The following ADAMTS6 variants were observed in gnomAD, a reference collection of about 807,000 sequenced individuals.
ADAMTS6 encodes the protein ADAM metallopeptidase with thrombospondin type 1 motif 6, also known as A disintegrin and metalloproteinase with thrombospondin motifs 6.
ADAMTS6 carries 23 observed loss-of-function variants against 144.3 expected under a neutral mutation model. The ratio of observed to expected loss-of-function variants is 0.16; its 90% confidence interval spans 0.11 to 0.23. The LOEUF (loss-of-function observed/expected upper bound fraction) is 0.23, where lower values mean the gene tolerates loss of function less well. Among genes scored for constraint, ADAMTS6 ranks in the 10% least tolerant of loss-of-function variants. The probability of loss-of-function intolerance (pLI) is 1.00; values close to 1 mark genes in which losing one functional copy is unlikely to be tolerated. For missense variants in ADAMTS6, 999 were observed against 1,379.6 expected, an observed-to-expected ratio of 0.72 and a Z score of 4.37; for synonymous variants, 444 against 457.5, an observed-to-expected ratio of 0.97 and a Z score of 0.38.
intron 7 of ADAMTS6, among the ~76,000 whole-genome samples, chr5:65,425,576 A>G (rs1242829535): frequency 6.6e-6 from 1 of 152,124 alleles, no homozygotes; most frequent in Non-Finnish European, 1.5e-5. Context: ...CTTAACGTAA[A>G]TTTCCCACTC....
At chr5:65,477,659 C>G (rs552106656) in intron 1 of ADAMTS6, among the ~76,000 whole-genome samples, 1 of 152,220 alleles carries the variant, frequency 6.6e-6, no homozygotes, top group Admixed American at 6.5e-5. Flanking sequence ...AAAGCAGGAG[C>G]TTTGAAGTTA....
At chr5:65,198,146 G>C (rs1755507908) in intron 20 of ADAMTS6, among the ~76,000 whole-genome samples, 1 of 152,054 alleles carries the variant, frequency 6.6e-6, no homozygotes, top group South Asian at 2.1e-4. Context: ...AGCGGTAACA[G>C]GTTACTCCTG....
intron 7 of ADAMTS6, among the ~76,000 whole-genome samples, chr5:65,375,319 AG>A (rs1751416567): frequency 6.6e-6 from 1 of 152,038 alleles, no homozygotes; most frequent in South Asian, 2.1e-4. Context: ...CAGAGTGAAC[AG>A]GAAACCTACA....
intron 7 of ADAMTS6, among the ~76,000 whole-genome samples, chr5:65,371,493 A>G (rs1484051446): frequency 3.3e-5 from 5 of 152,180 alleles, no homozygotes; most frequent in Admixed American, 1.3e-4. Flanking sequence ...TCAGGAGCCA[A>G]TGCGATCAAC....
At chr5:65,349,021 GTT>G (rs1353761971) in intron 7 of ADAMTS6, among the ~76,000 whole-genome samples, 1 of 151,888 alleles carries the variant, frequency 6.6e-6, no homozygotes, top group Admixed American at 6.6e-5. Flanking sequence ...TATTATTTTA[GTT>G]TTACAGAACA....
intron 12 of ADAMTS6, among the ~76,000 whole-genome samples, chr5:65,269,405 C>T (rs1428089261): frequency 2.0e-5 from 3 of 152,098 alleles, no homozygotes; most frequent in Admixed American, 6.6e-5. Flanking sequence ...AAAGGAAACA[C>T]TGTTTACAGG....
chr5:65,228,036 T>C (rs536192456), intron 15 of ADAMTS6, among the ~76,000 whole-genome samples: 2 of 152,180 alleles, frequency 1.3e-5, no homozygotes, highest in East Asian at 1.9e-4. Flanking sequence ...ATACTGAGCA[T>C]AGAAATAACA....
chr5:65,413,971 G>A (rs1205357107), intron 7 of ADAMTS6, among the ~76,000 whole-genome samples: 1 of 152,044 alleles, frequency 6.6e-6, no homozygotes, highest in Non-Finnish European at 1.5e-5. Context: ...TAAACTGAAC[G>A]AATCTGAGAA....
intron 7 of ADAMTS6, among the ~76,000 whole-genome samples, chr5:65,437,878 T>C (rs1322135304): frequency 6.6e-6 from 1 of 152,198 alleles, no homozygotes; most frequent in Non-Finnish European, 1.5e-5. Flanking sequence ...TCTGCAAACA[T>C]GGAACTTGTG....
chr5:65,402,751 A>G (rs1360601063), intron 7 of ADAMTS6, among the ~76,000 whole-genome samples: 2 of 151,918 alleles, frequency 1.3e-5, no homozygotes, highest in African/African-American at 4.8e-5. Flanking sequence ...GGACACTGTT[A>G]CTACTGTTTT....
chr5:65,407,298 T>G (rs975171630), intron 7 of ADAMTS6, among the ~76,000 whole-genome samples: 1 of 150,860 alleles, frequency 6.6e-6, no homozygotes, highest in African/African-American at 2.4e-5. Context: ...CGGCAGAAAC[T>G]CTAAAAGCCA....
chr5:65,179,958 GCACA>G (rs57687665), intron 22 of ADAMTS6, among the ~76,000 whole-genome samples: 1,405 of 42,564 alleles, frequency 0.033, 26 homozygotes, highest in African/African-American at 0.064. Flanking sequence ...GCACGCACGC[GCACA>G]CACACACACA....
chr5:65,396,241 G>A (rs569100372), intron 7 of ADAMTS6, among the ~76,000 whole-genome samples: 1 of 152,132 alleles, frequency 6.6e-6, no homozygotes, highest in East Asian at 1.9e-4. Flanking sequence ...TAGTCCAAAG[G>A]ATATCATTTC....
chr5:65,283,626 A>G (rs954515992), intron 11 of ADAMTS6, among the ~76,000 whole-genome samples: 2 of 152,162 alleles, frequency 1.3e-5, no homozygotes, highest in African/African-American at 4.8e-5. Flanking sequence ...TTTGGATTTC[A>G]AAAGAATATT....
intron 24 of ADAMTS6, among the ~76,000 whole-genome samples, chr5:65,168,122 T>TA (rs1185436667): frequency 1.3e-5 from 2 of 151,188 alleles, no homozygotes; most frequent in African/African-American, 4.9e-5. Context: ...CATGATTGTT[T>TA]ATCTAGAAAA....
intron 7 of ADAMTS6, among the ~76,000 whole-genome samples, chr5:65,418,009 C>G (rs1362247555): frequency 6.6e-6 from 1 of 152,078 alleles, no homozygotes; most frequent in Non-Finnish European, 1.5e-5. Flanking sequence ...CAGTATGGTA[C>G]TGGTACAGAA....
chr5:65,431,344 T>A (rs1047496500), intron 7 of ADAMTS6, among the ~76,000 whole-genome samples: 4 of 152,128 alleles, frequency 2.6e-5, no homozygotes, highest in Admixed American at 6.5e-5. Flanking sequence ...TCCAAACCTA[T>A]AAGGACACTT....
intron 23 of ADAMTS6, among the ~76,000 whole-genome samples, chr5:65,171,472 C>T (rs1753625843): frequency 6.6e-6 from 1 of 152,152 alleles, no homozygotes; most frequent in African/African-American, 2.4e-5. Flanking sequence ...TTCTTGCTAT[C>T]ACTCCAACAA....
chr5:65,194,029 T>G (rs1462227310), intron 21 of ADAMTS6, among the ~76,000 whole-genome samples: 2 of 152,094 alleles, frequency 1.3e-5, no homozygotes, highest in African/African-American at 4.8e-5. Context: ...GGTTTATAGG[T>G]TTTTTTGTTT....
Sources: gnomAD v4.1 joint callset for allele counts (sites outside exome capture counted in the v4.1 genomes callset) on GRCh38, gnomAD v4.1.1 for gene constraint, MANE v1.5 for transcripts, NCBI Gene and HGNC (gene_info 2026-07-23, HGNC 2026-07-21) for gene names.